Variants in KCTD8 observed in about 807,000 individuals in gnomAD.
KCTD8 encodes potassium channel tetramerization domain containing 8.
Under a neutral mutation model 31.5 loss-of-function variants are expected in KCTD8, and 27 were observed. The ratio of observed to expected loss-of-function variants is 0.86; its 90% CI spans 0.63 to 1.18. The LOEUF (loss-of-function observed/expected upper bound fraction) is 1.18, where lower values mean the gene tolerates loss of function less well. KCTD8 is among the 50% of genes most tolerant of loss of function. KCTD8 has a pLI of 0.00. For missense variants in KCTD8, 658 were observed against 647.7 expected, an observed-to-expected ratio of 1.02 and a Z score of -0.17; for synonymous variants, 290 against 280.0, an observed-to-expected ratio of 1.04 and a Z score of -0.36.
chr4:44,231,502 CATGATAGTCTTCATCCT>C (rs1325090966), intron 1 of KCTD8, among the ~76,000 whole-genome samples: 2 of 152,102 alleles, frequency 1.3e-5, no homozygotes, highest in African/African-American at 4.8e-5. Context: ...TGAGATAGCA[CATGATAGTCTTCATCCT>C]ATTTTCTCAA....
chr4:44,285,815 T>C (rs1717048184), intron 1 of KCTD8, among the ~76,000 whole-genome samples: 1 of 152,138 alleles, frequency 6.6e-6, no homozygotes. Flanking sequence ...CTGCTAAAGA[T>C]AGTGATTCCT....
chr4:44,434,224 C>T (rs1721586726), intron 1 of KCTD8, among the ~76,000 whole-genome samples: 1 of 151,810 alleles, frequency 6.6e-6, no homozygotes, highest in Admixed American at 6.6e-5. Flanking sequence ...ACTCTCCATT[C>T]AGTTCAAGGC....
intron 1 of KCTD8, among the ~76,000 whole-genome samples, chr4:44,315,468 C>T (rs1718078882): frequency 6.6e-6 from 1 of 151,958 alleles, no homozygotes; most frequent in African/African-American, 2.4e-5. Flanking sequence ...TAGATTGAAC[C>T]CATACAGATG....
intron 1 of KCTD8, among the ~76,000 whole-genome samples, chr4:44,442,774 T>TACACACGTATACACGCAC (rs10938342): frequency 6.8e-6 from 1 of 147,342 alleles, no homozygotes; most frequent in East Asian, 2.0e-4. Context: ...AACTAAGGTA[T>TACACACGTATACACGCAC]ACACACACAC....
chr4:44,271,107 T>A (rs1057203486), intron 1 of KCTD8, among the ~76,000 whole-genome samples: 1 of 152,102 alleles, frequency 6.6e-6, no homozygotes, highest in Non-Finnish European at 1.5e-5. Flanking sequence ...TAAAAATCCA[T>A]GAGGAAAGGA....
chr4:44,364,080 A>G (rs1272545324), intron 1 of KCTD8, among the ~76,000 whole-genome samples: 1 of 152,104 alleles, frequency 6.6e-6, no homozygotes, highest in Admixed American at 6.6e-5. Context: ...TAAAAGAAAA[A>G]CTTTATCAAA....
chr4:44,206,492 C>T (rs1714310599), intron 1 of KCTD8, among the ~76,000 whole-genome samples: 1 of 152,084 alleles, frequency 6.6e-6, no homozygotes, highest in African/African-American at 2.4e-5. Context: ...TTATTGCCAC[C>T]TCTTTTTATG....
At chr4:44,394,882 T>C (rs1720458591) in intron 1 of KCTD8, among the ~76,000 whole-genome samples, 2 of 152,086 alleles carry the variant, frequency 1.3e-5, no homozygotes, top group Non-Finnish European at 2.9e-5. Flanking sequence ...GGTTCTGATG[T>C]AGGTCTTGTT....
chr4:44,386,949 C>T (rs2109447200), intron 1 of KCTD8, among the ~76,000 whole-genome samples: 1 of 151,754 alleles, frequency 6.6e-6, no homozygotes, highest in South Asian at 2.1e-4. Flanking sequence ...TCTTTATTTG[C>T]AGAGGACATT....
chr4:44,300,693 C>A (rs1005815063), intron 1 of KCTD8, among the ~76,000 whole-genome samples: 2 of 151,936 alleles, frequency 1.3e-5, no homozygotes, highest in Non-Finnish European at 2.9e-5. Context: ...TAATCCTACA[C>A]CAGTAGGATT....
chr4:44,388,848 TTAAAA>T (rs1720293538), intron 1 of KCTD8, among the ~76,000 whole-genome samples: 1 of 151,516 alleles, frequency 6.6e-6, no homozygotes, highest in African/African-American at 2.4e-5. Flanking sequence ...ACACCTGAAC[TTAAAA>T]TAAGAGTAAA....
intron 1 of KCTD8, among the ~76,000 whole-genome samples, chr4:44,308,298 G>A (rs894834207): frequency 2.0e-5 from 3 of 151,544 alleles, no homozygotes; most frequent in African/African-American, 4.9e-5. Flanking sequence ...ACTAAGCTTC[G>A]AATCTATGTC....
intron 1 of KCTD8, among the ~76,000 whole-genome samples, chr4:44,196,996 G>A (rs1308957819): frequency 6.6e-6 from 1 of 152,194 alleles, no homozygotes; most frequent in African/African-American, 2.4e-5. Context: ...TGACTGAGCT[G>A]CTCCTAGCCA....
chr4:44,278,258 C>T (rs1284098704), intron 1 of KCTD8, among the ~76,000 whole-genome samples: 1 of 151,966 alleles, frequency 6.6e-6, no homozygotes, highest in Non-Finnish European at 1.5e-5. Context: ...GAAACTTTCA[C>T]TCATAATACT....
intron 1 of KCTD8, among the ~76,000 whole-genome samples, chr4:44,315,144 G>T (rs998185736): frequency 6.6e-6 from 1 of 151,478 alleles, no homozygotes; most frequent in African/African-American, 2.4e-5. Context: ...TTCTTCTTGG[G>T]TTTTCACTTT....
At chr4:44,260,700 G>A (rs1716135837) in intron 1 of KCTD8, among the ~76,000 whole-genome samples, 1 of 151,886 alleles carries the variant, frequency 6.6e-6, no homozygotes, top group Non-Finnish European at 1.5e-5. Context: ...AAAAGATCAA[G>A]GTGGCTGGAG....
chr4:44,310,022 G>T (rs1717907398), intron 1 of KCTD8, among the ~76,000 whole-genome samples: 2 of 151,816 alleles, frequency 1.3e-5, no homozygotes, highest in South Asian at 4.1e-4. Context: ...GAGAAAAACT[G>T]AAAAAAGAAA....
At chr4:44,398,236 A>T (rs1029900298) in intron 1 of KCTD8, among the ~76,000 whole-genome samples, 24 of 152,190 alleles carry the variant, frequency 1.6e-4, no homozygotes, top group African/African-American at 5.8e-4. Flanking sequence ...CTCCGAAGTA[A>T]CTTTAATAAG....
intron 1 of KCTD8, among the ~76,000 whole-genome samples, chr4:44,391,162 T>C (rs1414504247): frequency 6.6e-6 from 1 of 151,902 alleles, no homozygotes; most frequent in Non-Finnish European, 1.5e-5. Flanking sequence ...ACATGGACTT[T>C]GAAGACTCAG....
Sources: gnomAD v4.1 joint callset for allele counts (sites outside exome capture counted in the v4.1 genomes callset) on GRCh38, gnomAD v4.1.1 for gene constraint, MANE v1.5 for transcripts, NCBI Gene and HGNC (gene_info 2026-07-23, HGNC 2026-07-21) for gene names.